The following DPEP1 variants were observed in gnomAD, a reference collection of about 807,000 sequenced individuals.
DPEP1 encodes beta-lactamase.
A neutral mutation model predicts 42.3 loss-of-function variants in DPEP1; 50 were observed. The ratio of observed to expected loss-of-function variants is 1.18; its 90% confidence interval spans 0.94 to 1.50. DPEP1 has a LOEUF of 1.50. DPEP1 is among the 40% of genes most tolerant of loss of function. The pLI is 0.00. For missense variants in DPEP1, 663 were observed against 553.0 expected, an observed-to-expected ratio of 1.20 and a Z score of -1.99; for synonymous variants, 297 against 234.0, an observed-to-expected ratio of 1.27 and a Z score of -2.46.
Position 89,636,023 on chromosome 16 carries a change from G to A in DPEP1, c.220G>A (p.Gly74Ser), listed in dbSNP as rs771323473. Reference protein sequence around the residue: ...THTNIPKLRAGFVGGQFWSVY... With the variant: ...THTNIPKLRASFVGGQFWSVY... ...CACCAACATCCCCAAGCTGAGGGCC[G>A]GCTTTGTGGGAGGCCAGGTACCGCC... The change falls in exon 3 of 11, where the codon GGC (glycine) becomes AGC (serine). Residue 74 changes from glycine to serine, a missense_variant. Physicochemically the swap from Gly to Ser is moderately conservative, Grantham distance 56. Coordinates refer to ENST00000690203, the MANE Select transcript of DPEP1 (RefSeq NM_001389466.1). 122 of 1,609,864 alleles carry A rather than the reference G, an allele frequency of 7.6e-5. 1 individual carries two copies. Among genetic ancestry groups the A allele is most frequent in the East Asian group, 4.0e-4 (18 of 44,858 alleles).
chr16:89,629,809 C>T (rs2434860), intron 1 of DPEP1, among the ~76,000 whole-genome samples: 52,986 of 152,024 alleles, frequency 0.35, 10,843 homozygotes, highest in Middle Eastern at 0.64. Flanking sequence ...GCCGGGGGTG[C>T]GGACCCCTCA....
At chr16:89,614,457 G>A (rs900035547) in intron 1 of DPEP1, among the ~76,000 whole-genome samples, 8 of 152,150 alleles carry the variant, frequency 5.3e-5, no homozygotes, top group East Asian at 3.8e-4. Flanking sequence ...CCTGTTGTCC[G>A]GCCCCACAAT....
rs182581574 is a variant in DPEP1 at position 89,621,908 on chromosome 16, T to C, written c.-107+8189T>C. On this transcript the variant is annotated intron_variant, in intron 1 of 10. Coordinates refer to ENST00000690203, the MANE Select transcript of DPEP1 (RefSeq NM_001389466.1). Reference sequence around the variant, plus strand: ...TAGGTCCGCATTGCCTGTGGCTGCCTGTGCAGAAGTGGTATCATCCGAAAT... The same window carrying C: ...TAGGTCCGCATTGCCTGTGGCTGCCCGTGCAGAAGTGGTATCATCCGAAAT... Among the ~76,000 whole-genome samples, 166 of 152,288 alleles carry C rather than the reference T, an allele frequency of 1.1e-3. 1 individual carries two copies. The highest frequency in any genetic ancestry group is 3.9e-3 in the African/African-American group (162 of 41,550).
chr16:89,622,733 G>A (rs537979107), intron 1 of DPEP1, among the ~76,000 whole-genome samples: 28 of 151,162 alleles, frequency 1.9e-4, no homozygotes, highest in South Asian at 1.3e-3. Context: ...GCAGTGAGCC[G>A]AGATCGCGCC....
intron 1 of DPEP1, among the ~76,000 whole-genome samples, chr16:89,618,009 G>A (rs1177150602): frequency 6.6e-6 from 1 of 152,114 alleles, no homozygotes; most frequent in Non-Finnish European, 1.5e-5. Flanking sequence ...GGGCGACAGA[G>A]CGAGACTCAG....
intron 1 of DPEP1, among the ~76,000 whole-genome samples, chr16:89,629,682 G>T (rs1002058003): frequency 1.3e-5 from 2 of 152,196 alleles, no homozygotes; most frequent in African/African-American, 2.4e-5. Flanking sequence ...GCCCTCGGGC[G>T]ACTTGAATGT....
intron 2 of DPEP1, 136 bp from the exon 3 acceptor site, chr16:89,635,772 C>A: frequency 8.0e-7 from 1 of 1,250,234 alleles, no homozygotes; most frequent in African/African-American, 1.5e-5. Flanking sequence ...TATGTCACCC[C>A]CGCGGCCTAG....
intron 1 of DPEP1, among the ~76,000 whole-genome samples, chr16:89,624,162 A>G (rs2059478976): frequency 6.6e-6 from 1 of 152,110 alleles, no homozygotes; most frequent in East Asian, 1.9e-4. Context: ...TGCAGGGCCA[A>G]CTCTAATGGA....
At chr16:89,615,029 G>T (rs143466783) in intron 1 of DPEP1, among the ~76,000 whole-genome samples, 10 of 152,276 alleles carry the variant, frequency 6.6e-5, no homozygotes, top group Admixed American at 2.0e-4. Context: ...GCTGATTGGC[G>T]TCTGACCCCA....
downstream of DPEP1, among the ~76,000 whole-genome samples, chr16:89,641,410 C>T (rs1292891862): frequency 2.6e-5 from 4 of 152,210 alleles, no homozygotes; most frequent in Non-Finnish European, 5.9e-5. Context: ...CGGGGGCTCA[C>T]GCTCATCTTG....
At chr16:89,620,292 A>G (rs2059432852) in intron 1 of DPEP1, among the ~76,000 whole-genome samples, 2 of 151,204 alleles carry the variant, frequency 1.3e-5, no homozygotes, top group African/African-American at 4.9e-5. Flanking sequence ...AGTGGGGGGG[A>G]CACACGACCT....
chr16:89,636,202 G>T (rs1300008489), intron 3 of DPEP1, 62 bp from the exon 4 acceptor site: 3 of 1,566,266 alleles, frequency 1.9e-6, no homozygotes, highest in South Asian at 2.3e-5. Flanking sequence ...ACTCCCACAG[G>T]CATGCGGGGG....
At chr16:89,641,245 T>C (rs164750), downstream of DPEP1, among the ~76,000 whole-genome samples, 150,569 of 152,200 alleles carry the variant, frequency 0.99, 74,498 homozygotes, top group East Asian at 1. Flanking sequence ...TGATGTCAGA[T>C]CTTCCACAAG....
intron 1 of DPEP1, 91 bp from the exon 2 acceptor site, chr16:89,630,214 G>A (rs2059566300): frequency 4.4e-6 from 2 of 454,724 alleles, no homozygotes; most frequent in African/African-American, 4.1e-5. Context: ...TGGGGAATGT[G>A]CTGGTTACTT....
intron 2 of DPEP1, among the ~76,000 whole-genome samples, chr16:89,634,093 T>TTTTTTTTTTTTTTTTTTTTTTTTTTTTG: frequency 7.5e-6 from 1 of 133,060 alleles, no homozygotes; most frequent in Admixed American, 7.2e-5. Context: ...CTCTTCTTCT[T>TTTTTTTTTTTTTTTTTTTTTTTTTTTTG]TTTTTTTTTT....
At chr16:89,640,022 C>T (rs910450087), downstream of DPEP1, among the ~76,000 whole-genome samples, 1 of 152,308 alleles carries the variant, frequency 6.6e-6, no homozygotes, top group African/African-American at 2.4e-5. Flanking sequence ...CGGCGTGGCC[C>T]CCAGGCTCCC....
intron 2 of DPEP1, among the ~76,000 whole-genome samples, 161 bp from the exon 3 acceptor site, chr16:89,635,747 T>A (rs924456924): frequency 1.3e-5 from 2 of 152,142 alleles, no homozygotes; most frequent in East Asian, 3.9e-4. Flanking sequence ...ACAGGTGTGT[T>A]CAGGTGGCCG....
intron 1 of DPEP1, among the ~76,000 whole-genome samples, chr16:89,627,348 C>T (rs383027): frequency 0.4 from 59,366 of 150,232 alleles, 12,888 homozygotes; most frequent in Middle Eastern, 0.63. Flanking sequence ...TGTGGGAGGC[C>T]GAGGAGGGCA....
rs770503110 is a variant in DPEP1, at chr16:89,635,932, G to T, written c.129G>T (p.Leu43=). 56 of 1,609,270 alleles carry T rather than the reference G, an allele frequency of 3.5e-5. No individual in the cohort carries two copies. Among genetic ancestry groups the T allele is most frequent in the Non-Finnish European group, 4.2e-5 (50 of 1,178,212 alleles). The change falls in exon 3 of 11, where the codon CTG becomes CTT. Residue 43 remains leucine (L), a synonymous_variant. Coordinates refer to ENST00000690203, the MANE Select transcript of DPEP1 (RefSeq NM_001389466.1). ...IDGHNDLPWQ[L]LDMFNNRLQD... ...GGCACAATGACCTCCCCTGGCAGCT[G>T]CTGGATATGTTCAACAACCGGCTGC...
Sources: gnomAD v4.1 joint callset for allele counts (sites outside exome capture counted in the v4.1 genomes callset) on GRCh38, gnomAD v4.1.1 for gene constraint, MANE v1.5 for transcripts, NCBI Gene and HGNC (gene_info 2026-07-23, HGNC 2026-07-21) for gene names.